The following KCND2 variants were observed in gnomAD, a reference collection of about 807,000 sequenced individuals.
The protein encoded by KCND2 is potassium voltage-gated channel subfamily D member 2.
A neutral mutation model predicts 54.4 loss-of-function variants in KCND2; 16 were observed. That is an observed-to-expected ratio of 0.29 (90% CI 0.20 to 0.45). The LOEUF is 0.45. Ranked by LOEUF, KCND2 falls within the 20% of genes least tolerant of loss-of-function variation. KCND2 has a pLI of 1.00. For missense variants in KCND2, 486 were observed against 824.2 expected, an observed-to-expected ratio of 0.59 and a Z score of 5.02; for synonymous variants, 317 against 310.7, an observed-to-expected ratio of 1.02 and a Z score of -0.21.
chr7:120,289,049 C>T (rs1008526115), intron 1 of KCND2, among the ~76,000 whole-genome samples: 2 of 19,672 alleles, frequency 1.0e-4, no homozygotes, highest in South Asian at 0.013. Flanking sequence ...CACACACACA[C>T]ACACACACAC....
chr7:120,333,325 T>A (rs1029158134), intron 1 of KCND2, among the ~76,000 whole-genome samples: 3 of 152,132 alleles, frequency 2.0e-5, no homozygotes, highest in African/African-American at 7.2e-5. Flanking sequence ...GATTAATTGA[T>A]GTAATTATGT....
intron 1 of KCND2, among the ~76,000 whole-genome samples, chr7:120,320,227 G>T (rs2116328765): frequency 6.6e-6 from 1 of 152,150 alleles, no homozygotes; most frequent in Admixed American, 6.6e-5. Flanking sequence ...ATAATGGATT[G>T]TATAGAAGTA....
chr7:120,331,365 C>T lies in KCND2; in HGVS notation c.1115+55618C>T, dbSNP rs114624517. The stretch of plus-strand genomic sequence containing the variant: ...AAGGCCCTTTGCTTTTCCTTTCTTC[C>T]TTATCTCTTTTTTTTGAAAAACAAA... On this transcript the variant is annotated intron_variant, in intron 1 of 5. Coordinates refer to ENST00000331113, the MANE Select transcript of KCND2 (RefSeq NM_012281.3). Among the ~76,000 whole-genome samples the T allele has an allele frequency of 8.3e-3, 1,257 of 151,932 alleles. 14 individuals carry two copies. Among genetic ancestry groups the T allele is most frequent in the African/African-American group, 0.028 (1,163 of 41,498 alleles).
intron 1 of KCND2, among the ~76,000 whole-genome samples, chr7:120,589,248 G>GGATAT (rs1792640204): frequency 6.6e-6 from 1 of 152,144 alleles, no homozygotes; most frequent in South Asian, 2.1e-4. Flanking sequence ...ATGTGTACTA[G>GGATAT]GATATGACAG....
chr7:120,465,907 C>A (rs1802361505), intron 1 of KCND2, among the ~76,000 whole-genome samples: 1 of 152,080 alleles, frequency 6.6e-6, no homozygotes, highest in South Asian at 2.1e-4. Context: ...ACTACTGTTT[C>A]CTTAAGCTTG....
At chr7:120,516,598 T>C (rs1215698509) in intron 1 of KCND2, among the ~76,000 whole-genome samples, 3 of 152,068 alleles carry the variant, frequency 2.0e-5, no homozygotes, top group African/African-American at 7.2e-5. Context: ...CATCCAGAAA[T>C]GACTTACTGG....
At chr7:120,588,110 C>A (rs1792622987) in intron 1 of KCND2, among the ~76,000 whole-genome samples, 1 of 152,076 alleles carries the variant, frequency 6.6e-6, no homozygotes, top group Non-Finnish European at 1.5e-5. Context: ...AATATTTTTA[C>A]AGATATAATT....
chr7:120,634,072 T>C lies in KCND2; in HGVS notation c.1116-98831T>C, dbSNP rs567670527. Among the ~76,000 whole-genome samples the C allele has an allele frequency of 2.0e-5, 3 of 152,304 alleles. No homozygotes were observed. In the South Asian group the frequency reaches 6.2e-4, roughly 32 times the overall value. ...GTCACCATGATCTAACAGGCATTTA[T>C]AGAATCTTTTTTCATTTTAGACAGT... is the stretch of plus-strand genomic sequence containing the variant. On this transcript the variant is annotated intron_variant, in intron 1 of 5. Coordinates refer to ENST00000331113, the MANE Select transcript of KCND2 (RefSeq NM_012281.3).
chr7:120,360,252 A>G (rs1402619941), intron 1 of KCND2, among the ~76,000 whole-genome samples: 1 of 152,116 alleles, frequency 6.6e-6, no homozygotes, highest in Non-Finnish European at 1.5e-5. Context: ...TAGGTTTTGC[A>G]GGGAAAGGGC....
intron 1 of KCND2, among the ~76,000 whole-genome samples, chr7:120,584,990 G>A (rs892023036): frequency 4.6e-5 from 7 of 152,156 alleles, no homozygotes; most frequent in African/African-American, 1.7e-4. Context: ...CTTTTTCCAA[G>A]TGGATGATCA....
chr7:120,687,557 T>C (rs1792219222), intron 1 of KCND2, among the ~76,000 whole-genome samples: 1 of 152,124 alleles, frequency 6.6e-6, no homozygotes, highest in Non-Finnish European at 1.5e-5. Context: ...GGCTCATGCC[T>C]GTAATCCCAG....
chr7:120,324,781 G>A (rs1038165363), intron 1 of KCND2, among the ~76,000 whole-genome samples: 3 of 152,046 alleles, frequency 2.0e-5, no homozygotes, highest in Admixed American at 6.6e-5. Flanking sequence ...TTGGCAATGA[G>A]GGCTCTTTTT....
chr7:120,739,161 A>T (rs1792909846), intron 2 of KCND2, among the ~76,000 whole-genome samples: 1 of 151,974 alleles, frequency 6.6e-6, no homozygotes, highest in Non-Finnish European at 1.5e-5. Flanking sequence ...TTTTTGGTTA[A>T]TGTATATGTT....
At chr7:120,328,789 G>T (rs1193081902) in intron 1 of KCND2, among the ~76,000 whole-genome samples, 2 of 152,004 alleles carry the variant, frequency 1.3e-5, no homozygotes, top group Non-Finnish European at 2.9e-5. Flanking sequence ...ATGTACATTA[G>T]AAATTGTCTT....
intron 1 of KCND2, among the ~76,000 whole-genome samples, chr7:120,673,608 T>A (rs933282005): frequency 4.6e-5 from 7 of 152,170 alleles, no homozygotes; most frequent in Admixed American, 6.5e-5. Context: ...CCTTGCTGGT[T>A]TCCCATCTTA....
intron 1 of KCND2, among the ~76,000 whole-genome samples, chr7:120,556,314 C>T (rs1321317008): frequency 6.6e-6 from 1 of 152,108 alleles, no homozygotes; most frequent in Non-Finnish European, 1.5e-5. Flanking sequence ...TAAGTGTTGG[C>T]CTGATCACCC....
chr7:120,375,446 C>T (rs1468780338), intron 1 of KCND2, among the ~76,000 whole-genome samples: 1 of 151,696 alleles, frequency 6.6e-6, no homozygotes, highest in Admixed American at 6.6e-5. Flanking sequence ...CTTTTTAGAT[C>T]AAAGAATCAT....
chr7:120,495,584 G>T (rs891987144), intron 1 of KCND2, among the ~76,000 whole-genome samples: 1 of 152,072 alleles, frequency 6.6e-6, no homozygotes, highest in Non-Finnish European at 1.5e-5. Context: ...GGAAGGAAAA[G>T]AAAATATAAA....
intron 1 of KCND2, among the ~76,000 whole-genome samples, chr7:120,654,321 A>G (rs192229512): frequency 6.6e-6 from 1 of 152,348 alleles, no homozygotes; most frequent in East Asian, 1.9e-4. Context: ...TAAAATTTTC[A>G]ACATAAAACA....
Sources: gnomAD v4.1 joint callset for allele counts (sites outside exome capture counted in the v4.1 genomes callset) on GRCh38, gnomAD v4.1.1 for gene constraint, MANE v1.5 for transcripts, NCBI Gene and HGNC (gene_info 2026-07-23, HGNC 2026-07-21) for gene names.